Variants in DPH6 observed in about 807,000 individuals in gnomAD.
DPH6 encodes diphthine--ammonia ligase.
Under a neutral mutation model 38.2 loss-of-function variants are expected in DPH6, and 33 were observed. That is an observed-to-expected ratio of 0.86 (90% CI 0.65 to 1.15). DPH6 has a LOEUF of 1.15. Among genes scored for constraint, DPH6 ranks in the 50% most tolerant of loss-of-function variants. The pLI is 0.00. For missense variants in DPH6, 325 were observed against 320.0 expected (o/e 1.02, Z -0.12); for synonymous variants, 108 against 103.0 (o/e 1.05, Z -0.30).
the DPH6 span, among the ~76,000 whole-genome samples, chr15:35,189,410 C>G: frequency 6.6e-6 from 1 of 152,170 alleles, no homozygotes; most frequent in Non-Finnish European, 1.5e-5. Context: ...CTACATTTTT[C>G]CAATGCAAAC....
the DPH6 span, among the ~76,000 whole-genome samples, chr15:35,170,400 C>T: frequency 1.3e-5 from 2 of 152,164 alleles, no homozygotes; most frequent in African/African-American, 2.4e-5. Flanking sequence ...CTGTAAAATG[C>T]TCTTGGAAAA....
intron 3 of DPH6, among the ~76,000 whole-genome samples, chr15:35,467,575 A>G (rs929208302): frequency 2.6e-5 from 4 of 151,200 alleles, no homozygotes; most frequent in Non-Finnish European, 5.9e-5. Context: ...CGAACAAACA[A>G]AGAAACAAAA....
At chr15:35,198,923 T>A in the DPH6 span, among the ~76,000 whole-genome samples, 1 of 151,908 alleles carries the variant, frequency 6.6e-6, no homozygotes, top group Non-Finnish European at 1.5e-5. Context: ...TCTTCTTCTT[T>A]TTTTTTTTAG....
chr15:35,486,676 C>A (rs1454785649), intron 3 of DPH6, among the ~76,000 whole-genome samples: 1 of 152,058 alleles, frequency 6.6e-6, no homozygotes, highest in Non-Finnish European at 1.5e-5. Context: ...CAAACAATAT[C>A]ATTCTGCCCC....
chr15:35,203,188 G>GA, the DPH6 span, among the ~76,000 whole-genome samples: 376 of 151,710 alleles, frequency 2.5e-3, 1 homozygote, highest in African/African-American at 8.6e-3. Context: ...AAACATTGTT[G>GA]ATAGTATCTC....
intron 3 of DPH6, among the ~76,000 whole-genome samples, chr15:35,249,914 A>G (rs1294508450): frequency 2.6e-5 from 4 of 152,206 alleles, no homozygotes; most frequent in African/African-American, 9.7e-5. Flanking sequence ...CTGTAATCCC[A>G]GCACTTTGGG....
intron 3 of DPH6, among the ~76,000 whole-genome samples, chr15:35,485,009 A>T (rs2054378396): frequency 6.6e-6 from 1 of 152,260 alleles, no homozygotes; most frequent in South Asian, 2.1e-4. Flanking sequence ...TGAAAAAAAA[A>T]TTAACATTTA....
At chr15:35,523,685 C>T (rs2054957413) in intron 3 of DPH6, among the ~76,000 whole-genome samples, 1 of 152,016 alleles carries the variant, frequency 6.6e-6, no homozygotes, top group South Asian at 2.1e-4. Flanking sequence ...TATAAGCATA[C>T]TAAAATTGGA....
chr15:35,493,972 G>A (rs191771528), intron 3 of DPH6, among the ~76,000 whole-genome samples: 1 of 152,098 alleles, frequency 6.6e-6, no homozygotes, highest in Admixed American at 6.6e-5. Flanking sequence ...GCCTTCCAGA[G>A]CAGACTCTGG....
intron 3 of DPH6, among the ~76,000 whole-genome samples, chr15:35,343,896 TATG>T (rs1236482438): frequency 1.3e-5 from 2 of 151,884 alleles, no homozygotes; most frequent in Admixed American, 6.6e-5. Context: ...CATGTGAAAA[TATG>T]ATGTTACTAG....
chr15:35,150,106 T>C, the DPH6 span, among the ~76,000 whole-genome samples: 1 of 152,226 alleles, frequency 6.6e-6, no homozygotes, highest in African/African-American at 2.4e-5. Context: ...TTTAATTTTA[T>C]GTCCTCAACT....
At chr15:35,295,366 A>G (rs1387754136) in intron 3 of DPH6, among the ~76,000 whole-genome samples, 3 of 152,238 alleles carry the variant, frequency 2.0e-5, no homozygotes, top group African/African-American at 7.2e-5. Flanking sequence ...CAGTGAAGAC[A>G]GGACTCTAAG....
intron 5 of DPH6, among the ~76,000 whole-genome samples, chr15:35,447,605 A>G (rs2053872723): frequency 6.6e-6 from 1 of 152,148 alleles, no homozygotes; most frequent in South Asian, 2.1e-4. Context: ...TAAGAATCAC[A>G]AGACACTTGG....
rs2052018368 is a variant in DPH6, at chr15:35,296,804, C to CTTCTTTTTTTTTTT, written n.201-76223_201-76222insAAAAAAAAAAAGAA. 1.6e-5 allele frequency among the ~76,000 whole-genome samples: 2 copies of CTTCTTTTTTTTTTT among 127,332 alleles called. 1 individual carries two copies. Among genetic ancestry groups the CTTCTTTTTTTTTTT allele is most frequent in the South Asian group, 5.0e-4 (2 of 4,034 alleles). The allele number at this position is 127,332 out of a possible 152,430, so 83.5% of individuals were successfully genotyped here. A position where few individuals can be genotyped will look rare whatever the true frequency, so the allele number is the denominator to read the frequency against. On this transcript the variant is annotated intron_variant and non_coding_transcript_variant, in intron 3 of 3. Transcript: ENST00000560386. ...ATTCTCTAACCTGATGGCCTGGCTTCTTTTTTTTTTTGAGACGGAGTCTCG... is the reference window on the plus strand; with the variant it reads ...ATTCTCTAACCTGATGGCCTGGCTTCTTCTTTTTTTTTTTTTTTTTTTTTTGAGACGGAGTCTCG...
At chr15:35,456,827 T>A (rs1464478407) in intron 3 of DPH6, among the ~76,000 whole-genome samples, 1 of 152,050 alleles carries the variant, frequency 6.6e-6, no homozygotes, top group Non-Finnish European at 1.5e-5. Flanking sequence ...TTATTATCCA[T>A]TTGCCATTCA....
intron 6 of DPH6, among the ~76,000 whole-genome samples, chr15:35,388,412 G>C (rs2053003072): frequency 1.3e-5 from 2 of 152,198 alleles, no homozygotes; most frequent in African/African-American, 2.4e-5. Context: ...GTTTCAGAAG[G>C]AATGGTACCA....
intron 6 of DPH6, among the ~76,000 whole-genome samples, chr15:35,382,643 A>C (rs2052886713): frequency 6.6e-6 from 1 of 152,160 alleles, no homozygotes; most frequent in South Asian, 2.1e-4. Flanking sequence ...TCTCAAGGAT[A>C]CAGAAAAAGC....
At chr15:35,520,425 C>T (rs1330283021) in intron 3 of DPH6, 1 of 982,758 alleles carries the variant, frequency 1.0e-6, no homozygotes, top group Non-Finnish European at 1.2e-6. Flanking sequence ...TGAATCTTAC[C>T]TTTACATATG....
chr15:35,414,596 TG>T (rs1191077388), intron 5 of DPH6, among the ~76,000 whole-genome samples: 1 of 151,860 alleles, frequency 6.6e-6, no homozygotes, highest in African/African-American at 2.4e-5. Flanking sequence ...ATTTTTTCCT[TG>T]AAACACCTAT....
Sources: gnomAD v4.1 joint callset for allele counts (sites outside exome capture counted in the v4.1 genomes callset) on GRCh38, gnomAD v4.1.1 for gene constraint, MANE v1.5 for transcripts, NCBI Gene and HGNC (gene_info 2026-07-23, HGNC 2026-07-21) for gene names.